Variants in ABCD3 observed in about 807,000 individuals in gnomAD.
The protein encoded by ABCD3 is ATP-binding cassette sub-family D member 3.
A neutral mutation model predicts 105.5 loss-of-function variants in ABCD3; 41 were observed. That is an observed-to-expected ratio of 0.39 (90% confidence interval 0.30 to 0.50). The LOEUF (loss-of-function observed/expected upper bound fraction) is 0.50. ABCD3 is among the 20% of genes least tolerant of loss of function. The pLI is 0.84. For synonymous variants in ABCD3, 258 were observed against 269.0 expected, an observed-to-expected ratio of 0.96 and a Z score of 0.40; for missense variants, 622 against 806.3, an observed-to-expected ratio of 0.77 and a Z score of 2.77.
At chr1:94,453,937 A>T (rs1273498841) in intron 1 of ABCD3, among the ~76,000 whole-genome samples, 1 of 122,096 alleles carries the variant, frequency 8.2e-6, no homozygotes, top group Admixed American at 8.4e-5. Flanking sequence ...TTGTATTATT[A>T]ATCTTTTTTT....
the ABCD3 span, among the ~76,000 whole-genome samples, chr1:94,409,523 A>T: frequency 2.8e-4 from 42 of 152,236 alleles, no homozygotes; most frequent in African/African-American, 9.9e-4. Context: ...TTGTATTGTA[A>T]CCCAATTTAC....
chr1:94,452,644 T>A (rs1369118466), intron 1 of ABCD3, among the ~76,000 whole-genome samples: 2 of 152,188 alleles, frequency 1.3e-5, no homozygotes, highest in South Asian at 2.1e-4. Flanking sequence ...TCTGAAATTT[T>A]AAAAAAATGT....
intron 1 of ABCD3, among the ~76,000 whole-genome samples, chr1:94,422,302 A>AT: frequency 6.6e-6 from 1 of 152,316 alleles, no homozygotes; most frequent in Non-Finnish European, 1.5e-5. Flanking sequence ...CAGCAGGGGC[A>AT]TTAGATTCTC....
chr1:94,498,934 A>G lies in ABCD3; in HGVS notation c.1531-11A>G. On this transcript the variant is annotated splice_polypyrimidine_tract_variant and intron_variant, in intron 18 of 22. Transcript: ENST00000370214. ...GTTGCTTCTAATTGACTTTTGCTCT[A>G]CTACTGTCAGAGACCTTACATGACC... 2 of 1,612,894 alleles carry G rather than the reference A, an allele frequency of 1.2e-6. No homozygotes were observed. Among genetic ancestry groups the G allele is most frequent in the African/African-American group, 1.3e-5 (1 of 74,972 alleles).
At chr1:94,423,857 C>G (rs780930724) in intron 1 of ABCD3, among the ~76,000 whole-genome samples, 17 of 152,128 alleles carry the variant, frequency 1.1e-4, no homozygotes, top group Non-Finnish European at 1.9e-4. Context: ...CTGCAAACTT[C>G]AAAATTCAGC....
the ABCD3 span, among the ~76,000 whole-genome samples, chr1:94,388,320 T>C: frequency 1.8e-4 from 27 of 152,326 alleles, no homozygotes; most frequent in Non-Finnish European, 3.4e-4. Flanking sequence ...GTTGCATGAC[T>C]GTAAAGGGTA....
intron 20 of ABCD3, among the ~76,000 whole-genome samples, chr1:94,504,060 G>C (rs984719089): frequency 6.6e-6 from 1 of 151,666 alleles, no homozygotes; most frequent in Admixed American, 6.6e-5. Context: ...CTACAGGCAC[G>C]CATCACCATG....
At chr1:94,497,883 T>C (rs1649897282) in intron 16 of ABCD3, among the ~76,000 whole-genome samples, 1 of 152,210 alleles carries the variant, frequency 6.6e-6, no homozygotes, top group Middle Eastern at 3.2e-3. Flanking sequence ...AATCTGAATA[T>C]ACTGACCTGG....
At chr1:94,499,800 A>G (rs1650004923) in intron 20 of ABCD3, among the ~76,000 whole-genome samples, 186 bp downstream of exon 20, 1 of 152,236 alleles carries the variant, frequency 6.6e-6, no homozygotes, top group Admixed American at 6.5e-5. Flanking sequence ...TGAAAAATTC[A>G]TAAATACCCT....
intron 16 of ABCD3, among the ~76,000 whole-genome samples, chr1:94,496,624 T>C (rs1649809929): frequency 6.6e-6 from 1 of 150,440 alleles, no homozygotes; most frequent in African/African-American, 2.4e-5. Context: ...CCCTACCTGA[T>C]ACATCTCTGA....
intron 16 of ABCD3, among the ~76,000 whole-genome samples, chr1:94,495,627 A>G (rs907694530): frequency 1.3e-5 from 2 of 152,214 alleles, no homozygotes; most frequent in African/African-American, 2.4e-5. Context: ...TTATTTATAT[A>G]CATCATTACA....
chr1:94,484,772 A>G (rs1019101414), intron 10 of ABCD3, among the ~76,000 whole-genome samples: 8 of 152,270 alleles, frequency 5.3e-5, no homozygotes, highest in Middle Eastern at 3.4e-3. Context: ...GTACCCTAGA[A>G]CTTAAAGTAT....
chr1:94,397,209 A>G, the ABCD3 span, among the ~76,000 whole-genome samples: 1 of 152,198 alleles, frequency 6.6e-6, no homozygotes, highest in Non-Finnish European at 1.5e-5. Context: ...CCCTAATGTT[A>G]CCATTGTATC....
rs1310762836 is a variant in ABCD3 at position 94,498,665 on chromosome 1, C to T, written c.1450C>T (p.Arg484Cys). The change falls in exon 17 of 23, where the codon CGT (arginine) becomes TGT (cysteine). Residue 484 changes from arginine to cysteine, a missense_variant. Physicochemically the swap from Arg to Cys is radical, Grantham distance 180. This residue lies in a region of ABCD3 where 285 missense variants were observed against 352.5 expected (regional missense o/e 0.81). Coordinates refer to ENST00000370214, the MANE Select transcript of ABCD3 (RefSeq NM_002858.4). ...PNGCGKSSLF[R>C]VLGELWPLFG... The stretch of plus-strand genomic sequence containing the variant: ...TGGCTGCGGAAAGAGTTCACTTTTC[C>T]GTGTTCTTGGTGAAGTAAGTACAAG... 1.2e-6 allele frequency: 2 copies of T among 1,612,708 alleles called. No homozygotes were observed. The highest frequency in any genetic ancestry group is 1.7e-6 in the Non-Finnish European group (2 of 1,179,820).
At chr1:94,472,491 T>C (rs1570789761) in intron 4 of ABCD3, among the ~76,000 whole-genome samples, 1 of 152,006 alleles carries the variant, frequency 6.6e-6, no homozygotes, top group South Asian at 2.1e-4. Flanking sequence ...TTTTAGGGGC[T>C]ATATAAACAT....
intron 1 of ABCD3, among the ~76,000 whole-genome samples, chr1:94,431,350 A>G (rs1042297357): frequency 1.3e-4 from 20 of 152,168 alleles, no homozygotes; most frequent in Admixed American, 1.3e-3. Context: ...AAAGAACCCA[A>G]AGATCATGCC....
chr1:94,395,979 A>G, the ABCD3 span, among the ~76,000 whole-genome samples: 1 of 152,094 alleles, frequency 6.6e-6, no homozygotes. Context: ...TGTTTCCTCC[A>G]ATCTTTAAAC....
intron 1 of ABCD3, among the ~76,000 whole-genome samples, chr1:94,447,231 A>G (rs978807274): frequency 6.6e-6 from 1 of 152,248 alleles, no homozygotes; most frequent in African/African-American, 2.4e-5. Context: ...AAGGACACAT[A>G]GCTCCAACAT....
intron 13 of ABCD3, among the ~76,000 whole-genome samples, chr1:94,489,287 A>G (rs1649417416): frequency 6.6e-6 from 1 of 152,098 alleles, no homozygotes; most frequent in Non-Finnish European, 1.5e-5. Context: ...GGAAGGCAGC[A>G]TGCATTCGGC....
Sources: gnomAD v4.1 joint callset for allele counts (sites outside exome capture counted in the v4.1 genomes callset) on GRCh38, gnomAD v4.1.1 for gene constraint, gnomAD v4.1.1 regional missense constraint, MANE v1.5 for transcripts, NCBI Gene and HGNC (gene_info 2026-07-23, HGNC 2026-07-21) for gene names.